TSC1: variants seen among roughly 807,000 people sequenced by gnomAD.
TSC1 encodes hamartin.
In TSC1, 20 loss-of-function variants were observed where a neutral mutation model predicts 124.3. The observed-to-expected ratio is 0.16, with a 90% CI of 0.11 to 0.23. The LOEUF (loss-of-function observed/expected upper bound fraction) is 0.23, where lower values mean the gene tolerates loss of function less well. Ranked by LOEUF, TSC1 falls within the 10% of genes least tolerant of loss-of-function variation. TSC1 has a pLI of 1.00. For missense variants in TSC1, 1,124 were observed against 1,448.5 expected (o/e 0.78, Z 3.64); for synonymous variants, 493 against 539.1 (o/e 0.91, Z 1.19).
upstream of TSC1, chr9:132,945,316 C>T (rs1848035520): frequency 6.6e-6 from 1 of 152,268 alleles, no homozygotes; most frequent in Non-Finnish European, 1.5e-5. Context: ...TTCACACCTA[C>T]TCATGACATC....
At chr9:132,910,873 G>T in intron 11 of TSC1, 129 bp downstream of exon 11, 1 of 1,292,684 alleles carries the variant, frequency 7.7e-7, no homozygotes, top group Non-Finnish European at 1.1e-6. Flanking sequence ...GAAAGCCCCA[G>T]GGATTTGCAA....
intron 8 of TSC1, among the ~76,000 whole-genome samples, chr9:132,913,886 G>GTT (rs1846113235): frequency 1.7e-5 from 1 of 57,402 alleles, no homozygotes; most frequent in African/African-American, 6.0e-5. Context: ...TTTTTGTTTT[G>GTT]TTTTGTTTTT....
intron 11 of TSC1, 102 bp downstream of exon 11, chr9:132,910,900 G>A: frequency 7.4e-7 from 1 of 1,347,102 alleles, no homozygotes; most frequent in Non-Finnish European, 1.1e-6. Context: ...TCAAAAACAA[G>A]TTTACAACAG....
At chr9:132,899,888 A>G (rs1321704451) in intron 20 of TSC1, 1 of 152,232 alleles carries the variant, frequency 6.6e-6, no homozygotes, top group Non-Finnish European at 1.5e-5. Context: ...TTCTGTTCCC[A>G]GTCATTACAC....
Position 132,928,705 on chromosome 9 carries a change from T to C in TSC1, c.106+62A>G. On this transcript the variant is annotated intron_variant, in intron 3 of 22. Transcript: ENST00000298552. ...CTAAAATGTATCAGCAGGATTCTAGTGGCTCTAAAGTCAATCTCTTCTTTC... is the reference window on the plus strand; with the variant it reads ...CTAAAATGTATCAGCAGGATTCTAGCGGCTCTAAAGTCAATCTCTTCTTTC... 1.9e-6 allele frequency: 3 copies of C among 1,602,568 alleles called. No individual in the cohort carries two copies. In the African/African-American group the frequency reaches 4.0e-5, roughly 21 times the overall value.
Position 132,893,281 on chromosome 9 carries a change from G to A in TSC1, c.*2954C>T. 1 of 233,272 alleles carries A rather than the reference G, an allele frequency of 4.3e-6. No individual in the cohort carries two copies. Among genetic ancestry groups the A allele is most frequent in the Non-Finnish European group, 8.5e-6 (1 of 118,068 alleles). 14.5% of individuals were successfully genotyped at this position (233,272 alleles called of 1,614,324 possible). On this transcript the variant is annotated 3_prime_UTR_variant, in exon 23 of 23. Transcript: ENST00000298552. ...TGCTGGTCCTAAAACTCATCTCCAA[G>A]GACATCTTTCACAACTTCTCCATCT... is the stretch of plus-strand genomic sequence containing the variant.
Position 132,895,948 on chromosome 9 carries a change from A to C in TSC1, c.*287T>G. 4.2e-6 allele frequency: 2 copies of C among 480,606 alleles called. No homozygotes were observed. The highest frequency in any genetic ancestry group is 7.6e-6 in the Non-Finnish European group (2 of 262,924). The allele number at this position is 480,606 out of a possible 1,614,324, so 29.8% of individuals were successfully genotyped here. On this transcript the variant is annotated 3_prime_UTR_variant, in exon 23 of 23. Transcript: ENST00000298552. ...AAGGACGCAACCATTTGGGGGGGAA[A>C]GGAAGAAAGTAAAGCTACTGAGGAA...
intron 1 of TSC1, chr9:132,943,833 G>A (rs1847884565): frequency 6.6e-6 from 1 of 152,184 alleles, no homozygotes; most frequent in Non-Finnish European, 1.5e-5. Flanking sequence ...CACAAAGAAA[G>A]AGCTTTAATT....
At chr9:132,901,737 C>T (rs1304877453) in intron 18 of TSC1, 38 bp from the exon 19 acceptor site, 5 of 1,597,944 alleles carry the variant, frequency 3.1e-6, no homozygotes, top group East Asian at 4.5e-5. Context: ...TTGAGGAACA[C>T]CAACAGGCCA....
rs118203496 is a variant in TSC1 at position 132,911,038 on chromosome 9, G to T, written c.1105C>A (p.Leu369Met). 1.2e-6 allele frequency: 2 copies of T among 1,614,078 alleles called. No homozygotes were observed. The highest frequency in any genetic ancestry group is 1.7e-5 in the Admixed American group (1 of 60,016). ...AAGACTTTACTGTAAGGGTGTGACA[G>T]ATCAGGTGGGACATTTCCAGGAGAA... ...PTSPGNVPPD[L>M]SHPYSKVFGT... The change falls in exon 11 of 23, where the codon CTG becomes ATG. Residue 369 changes from leucine to methionine, a missense_variant. Leu to Met is a conservative substitution (Grantham distance 15). Transcript: ENST00000298552.
At chr9:132,907,453 C>T (rs1845733448) in intron 12 of TSC1, 83 bp from the exon 13 acceptor site, 1 of 1,041,550 alleles carries the variant, frequency 9.6e-7, no homozygotes, top group Admixed American at 1.7e-5. Flanking sequence ...GTTTAAAGGT[C>T]AGCCGAGTGC....
chr9:132,901,731 G>C (rs778081370), intron 18 of TSC1, 32 bp from the exon 19 acceptor site: 2 of 1,607,808 alleles, frequency 1.2e-6, no homozygotes, highest in Admixed American at 1.7e-5. Flanking sequence ...TGAAGTTTGA[G>C]GAACACCAAC....
At position 132,895,015 on chromosome 9, in the gene TSC1, A is replaced by ACTTTGCCTTTGC. The variant is rs1844960370; in HGVS notation, c.*1219_*1220insGCAAAGGCAAAG. On this transcript the variant is annotated 3_prime_UTR_variant, in exon 23 of 23. Coordinates refer to ENST00000298552, the MANE Select transcript of TSC1 (RefSeq NM_000368.5). ...ACGTGGGGCAGCCTAGTGGGTATAC[A>ACTTTGCCTTTGC]CAGCCAGCCTTTGCCAGCATTCTCC... 9.9e-5 allele frequency: 23 copies of ACTTTGCCTTTGC among 232,592 alleles called. No individual in the cohort carries two copies. In the East Asian group the frequency reaches 1.4e-3, roughly 14 times the overall value. The allele number at this position is 232,592 out of a possible 1,614,324, so 14.4% of individuals were successfully genotyped here.
chr9:132,898,306 AG>A (rs1845193618), intron 20 of TSC1, among the ~76,000 whole-genome samples: 1 of 152,256 alleles, frequency 6.6e-6, no homozygotes, highest in Non-Finnish European at 1.5e-5. Context: ...ACCCAGAGCA[AG>A]TACACACTAA....
At chr9:132,911,777 A>G (rs1845981742) in intron 9 of TSC1, among the ~76,000 whole-genome samples, 1 of 152,166 alleles carries the variant, frequency 6.6e-6, no homozygotes, top group African/African-American at 2.4e-5. Flanking sequence ...CTCCTTTGAA[A>G]TAAAGTTCAA....
intron 1 of TSC1, among the ~76,000 whole-genome samples, chr9:132,944,339 C>T (rs1416888154): frequency 4.6e-5 from 7 of 152,118 alleles, no homozygotes; most frequent in Admixed American, 2.0e-4. Context: ...TCCCCAGGGA[C>T]CCGCCAGTCC....
At chr9:132,919,803 T>C (rs1588342714) in intron 8 of TSC1, among the ~76,000 whole-genome samples, 1 of 152,280 alleles carries the variant, frequency 6.6e-6, no homozygotes, top group African/African-American at 2.4e-5. Flanking sequence ...GAGACAGGCA[T>C]GTCTCAAAGT....
At chr9:132,920,365 G>A (rs1846482491) in intron 8 of TSC1, among the ~76,000 whole-genome samples, 1 of 152,160 alleles carries the variant, frequency 6.6e-6, no homozygotes, top group Non-Finnish European at 1.5e-5. Flanking sequence ...AGCAACAATG[G>A]TAGTTGTCTC....
At chr9:132,900,260 T>C (rs1588296272) in intron 20 of TSC1, 2 of 213,120 alleles carry the variant, frequency 9.4e-6, no homozygotes, top group East Asian at 1.1e-4. Context: ...CACTAATTAA[T>C]GTAAGATCAT....
Sources: allele counts gnomAD v4.1 joint callset (sites outside exome capture counted in the v4.1 genomes callset), GRCh38; gene constraint gnomAD v4.1.1; transcripts MANE v1.5; gene names NCBI Gene and HGNC (gene_info 2026-07-23, HGNC 2026-07-21).